The following ZSWIM6 variants were observed in gnomAD, a reference collection of about 807,000 sequenced individuals.
The protein encoded by ZSWIM6 is zinc finger SWIM-type containing 6.
Under a neutral mutation model 113.2 loss-of-function variants are expected in ZSWIM6, and 9 were observed. The observed-to-expected ratio is 0.08, with a 90% CI of 0.05 to 0.14. ZSWIM6 has a LOEUF of 0.14. Ranked by LOEUF, ZSWIM6 falls within the 10% of genes least tolerant of loss-of-function variation. The pLI is 1.00. For missense variants in ZSWIM6, 1,162 were observed against 1,552.2 expected, an observed-to-expected ratio of 0.75 and a Z score of 4.22; for synonymous variants, 611 against 606.5, an observed-to-expected ratio of 1.01 and a Z score of -0.11.
intron 1 of ZSWIM6, among the ~76,000 whole-genome samples, chr5:61,368,677 A>G (rs1745207828): frequency 6.6e-6 from 1 of 152,214 alleles, no homozygotes; most frequent in Non-Finnish European, 1.5e-5. Flanking sequence ...TAGATGAAAC[A>G]ACTCTTACTG....
chr5:61,513,687 T>C (rs892675631), intron 4 of ZSWIM6, among the ~76,000 whole-genome samples: 1 of 152,136 alleles, frequency 6.6e-6, no homozygotes, highest in African/African-American at 2.4e-5. Flanking sequence ...TTTTTTTACA[T>C]GAATATCTAA....
chr5:61,352,684 C>T (rs759300018), intron 1 of ZSWIM6, among the ~76,000 whole-genome samples: 4 of 152,192 alleles, frequency 2.6e-5, no homozygotes, highest in Admixed American at 6.5e-5. Context: ...GTTTAAGAAA[C>T]GGTATGCTAT....
intron 1 of ZSWIM6, among the ~76,000 whole-genome samples, chr5:61,383,641 T>C (rs1400881217): frequency 1.3e-5 from 2 of 151,912 alleles, no homozygotes; most frequent in Admixed American, 1.3e-4. Flanking sequence ...GTTCAAGTAG[T>C]TCTCCTGTTT....
At chr5:61,434,483 T>C (rs1456145530) in intron 1 of ZSWIM6, among the ~76,000 whole-genome samples, 1 of 150,456 alleles carries the variant, frequency 6.6e-6, no homozygotes, top group East Asian at 2.0e-4. Flanking sequence ...AAGTCCCTTA[T>C]ATCATTCTTA....
chr5:61,367,705 A>T (rs1224211081), intron 1 of ZSWIM6, among the ~76,000 whole-genome samples: 1 of 152,200 alleles, frequency 6.6e-6, no homozygotes, highest in East Asian at 1.9e-4. Context: ...GAGAACAGGT[A>T]GATCACAGAG....
intron 1 of ZSWIM6, among the ~76,000 whole-genome samples, chr5:61,468,198 C>T (rs1747481243): frequency 6.6e-6 from 1 of 152,296 alleles, no homozygotes; most frequent in South Asian, 2.1e-4. Flanking sequence ...ATTTAAGTGG[C>T]AGAACCTGAT....
chr5:61,341,421 G>A (rs551931285), intron 1 of ZSWIM6, among the ~76,000 whole-genome samples: 4 of 152,264 alleles, frequency 2.6e-5, no homozygotes, highest in African/African-American at 9.6e-5. Context: ...AAGTGTTGTG[G>A]TCTTTATTTA....
At chr5:61,488,505 G>C (rs1274256337) in intron 2 of ZSWIM6, among the ~76,000 whole-genome samples, 1 of 151,942 alleles carries the variant, frequency 6.6e-6, no homozygotes, top group Non-Finnish European at 1.5e-5. Context: ...TCTTTGCTGG[G>C]AGATTCTTTA....
intron 1 of ZSWIM6, among the ~76,000 whole-genome samples, chr5:61,435,886 G>C (rs539805375): frequency 3.9e-5 from 6 of 152,166 alleles, no homozygotes; most frequent in African/African-American, 1.2e-4. Flanking sequence ...TTTAAGATGA[G>C]CAATTTGTTA....
chr5:61,507,380 C>G (rs1319132256), intron 4 of ZSWIM6, among the ~76,000 whole-genome samples: 1 of 152,146 alleles, frequency 6.6e-6, no homozygotes, highest in Non-Finnish European at 1.5e-5. Context: ...TAGCAGTGAA[C>G]AGCTGATGTA....
intron 2 of ZSWIM6, among the ~76,000 whole-genome samples, chr5:61,485,102 G>T (rs924632958): frequency 1.3e-5 from 2 of 151,956 alleles, no homozygotes; most frequent in Admixed American, 6.6e-5. Context: ...CCCCTTCCTC[G>T]CAGTACTTGA....
intron 1 of ZSWIM6, among the ~76,000 whole-genome samples, chr5:61,394,896 A>G (rs1239315062): frequency 6.6e-6 from 1 of 152,140 alleles, no homozygotes; most frequent in Non-Finnish European, 1.5e-5. Context: ...CCTCTGCACT[A>G]TGGCAGGTCA....
At chr5:61,489,958 A>T (rs996632688) in intron 2 of ZSWIM6, among the ~76,000 whole-genome samples, 19 of 152,040 alleles carry the variant, frequency 1.2e-4, no homozygotes, top group African/African-American at 4.6e-4. Flanking sequence ...ACACCTACAG[A>T]TGTATTTTTT....
At chr5:61,340,636 AC>A (rs1195612833) in intron 1 of ZSWIM6, among the ~76,000 whole-genome samples, 1 of 152,078 alleles carries the variant, frequency 6.6e-6, no homozygotes, top group Non-Finnish European at 1.5e-5. Context: ...TGAGGCCCAA[AC>A]TCGTTGAGTA....
chr5:61,541,649 A>G (rs551460062), intron 12 of ZSWIM6, among the ~76,000 whole-genome samples: 1 of 152,322 alleles, frequency 6.6e-6, no homozygotes, highest in Non-Finnish European at 1.5e-5. Context: ...CAGTGGGCCC[A>G]CCAGGAGGAG....
chr5:61,525,384 G>A (rs1018751345), intron 5 of ZSWIM6, among the ~76,000 whole-genome samples: 4 of 152,098 alleles, frequency 2.6e-5, no homozygotes, highest in Non-Finnish European at 5.9e-5. Context: ...GGCTGGTGTC[G>A]CATCTCTTGC....
chr5:61,500,449 A>T (rs554420186), intron 4 of ZSWIM6, among the ~76,000 whole-genome samples: 2 of 152,134 alleles, frequency 1.3e-5, no homozygotes, highest in East Asian at 3.9e-4. Context: ...ACACTATTAT[A>T]TGCCTCTCTT....
intron 1 of ZSWIM6, among the ~76,000 whole-genome samples, chr5:61,345,754 C>G (rs1744644891): frequency 6.6e-6 from 1 of 152,126 alleles, no homozygotes; most frequent in Non-Finnish European, 1.5e-5. Flanking sequence ...GTAACACAAA[C>G]TAATTGGCCC....
At chr5:61,535,930 G>A (rs374708556) in intron 10 of ZSWIM6, among the ~76,000 whole-genome samples, 25 of 152,180 alleles carry the variant, frequency 1.6e-4, no homozygotes, top group South Asian at 2.1e-4. Context: ...CTTCATAAAT[G>A]ATTAATTGTT....
Sources: gnomAD v4.1 joint callset for allele counts (sites outside exome capture counted in the v4.1 genomes callset) on GRCh38, gnomAD v4.1.1 for gene constraint, MANE v1.5 for transcripts, NCBI Gene and HGNC (gene_info 2026-07-23, HGNC 2026-07-21) for gene names.